Variants in IKZF3 observed in about 807,000 individuals in gnomAD.
The protein encoded by IKZF3 is zinc finger protein Aiolos.
IKZF3 carries 10 observed loss-of-function variants against 49.0 expected under a neutral mutation model. That is an observed-to-expected ratio of 0.20 (90% CI 0.13 to 0.35). The LOEUF (loss-of-function observed/expected upper bound fraction) is 0.35, where lower values mean the gene tolerates loss of function less well. Ranked by LOEUF, IKZF3 falls within the 10% of genes least tolerant of loss-of-function variation. The pLI is 1.00. For missense variants in IKZF3, 498 were observed against 664.8 expected, an observed-to-expected ratio of 0.75 and a Z score of 2.76; for synonymous variants, 209 against 228.2, an observed-to-expected ratio of 0.92 and a Z score of 0.76.
At chr17:39,847,174 C>T (rs996010300) in intron 1 of IKZF3, among the ~76,000 whole-genome samples, 9 of 152,118 alleles carry the variant, frequency 5.9e-5, no homozygotes, top group African/African-American at 2.2e-4. Flanking sequence ...GAGAAGCGTT[C>T]GCTGTCATTT....
intron 7 of IKZF3, among the ~76,000 whole-genome samples, chr17:39,769,334 T>C (rs1036729898): frequency 1.3e-5 from 2 of 152,046 alleles, no homozygotes; most frequent in African/African-American, 4.8e-5. Flanking sequence ...AGCTAAAAGA[T>C]CTATTCCCAT....
intron 7 of IKZF3, 121 bp from the exon 8 acceptor site, chr17:39,766,614 A>G: frequency 2.5e-6 from 2 of 785,544 alleles, no homozygotes; most frequent in South Asian, 1.8e-5. Context: ...AAGAAGACCA[A>G]GCCTGGCAGA....
At chr17:39,819,974 C>G (rs762577589) in intron 3 of IKZF3, among the ~76,000 whole-genome samples, 4 of 152,260 alleles carry the variant, frequency 2.6e-5, no homozygotes, top group Admixed American at 1.3e-4. Context: ...CTGCACCCAG[C>G]CTATTTTCTT....
chr17:39,858,014 A>G (rs1293534726), intron 1 of IKZF3, among the ~76,000 whole-genome samples: 1 of 152,112 alleles, frequency 6.6e-6, no homozygotes, highest in African/African-American at 2.4e-5. Flanking sequence ...GGAAAATAAC[A>G]GTCTAGAAGG....
At chr17:39,812,063 T>C (rs933345382) in intron 3 of IKZF3, among the ~76,000 whole-genome samples, 3 of 152,248 alleles carry the variant, frequency 2.0e-5, no homozygotes, top group African/African-American at 7.2e-5. Context: ...GTGTCCAGTT[T>C]AAACTTCACT....
intron 1 of IKZF3, among the ~76,000 whole-genome samples, chr17:39,858,596 C>T (rs753012571): frequency 6.6e-6 from 1 of 150,780 alleles, no homozygotes; most frequent in Non-Finnish European, 1.5e-5. Context: ...CTGCAACCTC[C>T]ACCTCCCAGG....
chr17:39,855,497 C>A lies in IKZF3; in HGVS notation c.7+8623G>T, dbSNP rs559620970. Among the ~76,000 whole-genome samples the A allele has an allele frequency of 2.6e-5, 4 of 152,304 alleles. No homozygotes were observed. In the East Asian group the frequency reaches 7.7e-4, roughly 29 times the overall value. ...ATGTTCTAGTTGTTTAGGTCTGGGG[C>A]AACTAAGTCCATACTAGGTCATTGA... On this transcript the variant is annotated intron_variant, in intron 1 of 7. Transcript: ENST00000346872.
chr17:39,824,430 T>A (rs2061902272), intron 3 of IKZF3, among the ~76,000 whole-genome samples: 1 of 152,170 alleles, frequency 6.6e-6, no homozygotes, highest in African/African-American at 2.4e-5. Flanking sequence ...GATGTTGGAA[T>A]GAGTTAAGAC....
intron 7 of IKZF3, 118 bp downstream of exon 7, chr17:39,777,533 G>A (rs942753881): frequency 4.6e-5 from 30 of 655,104 alleles, no homozygotes; most frequent in Non-Finnish European, 7.4e-5. Context: ...AGTACACAAT[G>A]AAAAACTAAT....
chr17:39,853,265 A>C (rs1431968211), intron 1 of IKZF3, among the ~76,000 whole-genome samples: 2 of 152,212 alleles, frequency 1.3e-5, no homozygotes, highest in East Asian at 1.9e-4. Context: ...GACACAAAAA[A>C]GGTATTCAAT....
chr17:39,819,308 A>G (rs1598105669), intron 3 of IKZF3, among the ~76,000 whole-genome samples: 1 of 152,196 alleles, frequency 6.6e-6, no homozygotes, highest in Non-Finnish European at 1.5e-5. Context: ...AGGGATCACT[A>G]TTTCAACTAC....
At chr17:39,809,923 T>A (rs1185446551) in intron 3 of IKZF3, among the ~76,000 whole-genome samples, 1 of 152,246 alleles carries the variant, frequency 6.6e-6, no homozygotes, top group East Asian at 1.9e-4. Flanking sequence ...CACATGCCAG[T>A]GCATATGAAA....
Position 39,777,692 on chromosome 17 carries a change from T to C in IKZF3, c.785A>G (p.Asn262Ser). 1.9e-6 allele frequency: 3 copies of C among 1,613,964 alleles called. No individual in the cohort carries two copies. The highest frequency in any genetic ancestry group is 2.5e-6 in the Non-Finnish European group (3 of 1,179,956). Residue 262 changes from asparagine to serine, a missense_variant, in exon 7 of 8, where the codon AAT becomes AGT. By Grantham distance (46) the Asn-to-Ser change is conservative. Transcript: ENST00000346872. ...CATTGAGCTTTTTCGTTTTGCCACA[T>C]TGCTTGCTAATCTGTCCAGTACGAG... ...RALVLDRLAS[N>S]VAKRKSSMPQ...
Position 39,788,306 on chromosome 17 carries a change from T to C in IKZF3, c.661A>G (p.Lys221Glu). The C allele has an allele frequency of 6.2e-7, 1 of 1,613,934 alleles. No individual in the cohort carries two copies. Among genetic ancestry groups the C allele is most frequent in the Non-Finnish European group, 8.5e-7 (1 of 1,179,888 alleles). ...TGAAGAAATGTACGGCAGCGCTCCT[T>C]GTGCTCCTCAAGGGAACTTCTCTGC... The part of the protein sequence containing the change: ...YKQRSSLEEH[K>E]ERCRTFLQST... The change falls in exon 6 of 8, where the codon AAG becomes GAG. Residue 221 changes from lysine (K) to glutamate (E), a missense_variant. By Grantham distance (56) the Lys-to-Glu change is moderately conservative. This residue lies in a region of IKZF3 where 317 missense variants were observed against 397.3 expected (regional missense o/e 0.80). Transcript: ENST00000346872.
chr17:39,804,163 G>T (rs2061384728), intron 3 of IKZF3, among the ~76,000 whole-genome samples: 1 of 152,166 alleles, frequency 6.6e-6, no homozygotes, highest in African/African-American at 2.4e-5. Flanking sequence ...AATGGGCCGG[G>T]TGTGGTGGCT....
intron 3 of IKZF3, among the ~76,000 whole-genome samples, chr17:39,826,955 T>C (rs2061973393): frequency 6.6e-6 from 1 of 152,234 alleles, no homozygotes. Flanking sequence ...TGGATTGCAT[T>C]GAAGAGCCAA....
chr17:39,842,754 T>C (rs1029560157), intron 1 of IKZF3, among the ~76,000 whole-genome samples: 4 of 152,210 alleles, frequency 2.6e-5, no homozygotes, highest in Admixed American at 2.0e-4. Context: ...GGGATATTTA[T>C]ATAGTTTCAA....
At chr17:39,818,718 C>T (rs933534908) in intron 3 of IKZF3, among the ~76,000 whole-genome samples, 8 of 152,032 alleles carry the variant, frequency 5.3e-5, no homozygotes, top group African/African-American at 1.9e-4. Context: ...ATTAGCCAGG[C>T]ATGATGGCAC....
At chr17:39,820,025 ACCT>A (rs2061767643) in intron 3 of IKZF3, among the ~76,000 whole-genome samples, 1 of 152,112 alleles carries the variant, frequency 6.6e-6, no homozygotes, top group African/African-American at 2.4e-5. Context: ...CATATAACTG[ACCT>A]AGGGCTTTCA....
Sources: allele counts gnomAD v4.1 joint callset (sites outside exome capture counted in the v4.1 genomes callset), GRCh38; gene constraint gnomAD v4.1.1; regional missense constraint gnomAD v4.1.1; transcripts MANE v1.5; gene names NCBI Gene and HGNC (gene_info 2026-07-23, HGNC 2026-07-21).